The following DSCAML1 variants were observed in gnomAD, a reference collection of about 807,000 sequenced individuals.
DSCAML1 encodes the protein DS cell adhesion molecule like 1, also known as cell adhesion molecule DSCAML1.
Under a neutral mutation model 200.5 loss-of-function variants are expected in DSCAML1, and 38 were observed. That is an observed-to-expected ratio of 0.19 (90% CI 0.15 to 0.25). The LOEUF (loss-of-function observed/expected upper bound fraction) is 0.25. Ranked by LOEUF, DSCAML1 falls within the 10% of genes least tolerant of loss-of-function variation. The pLI is 1.00. For missense variants in DSCAML1, 2,223 were observed against 2,858.8 expected, an observed-to-expected ratio of 0.78 and a Z score of 5.07; for synonymous variants, 1,215 against 1,165.0, an observed-to-expected ratio of 1.04 and a Z score of -0.87.
chr11:117,636,327 T>G (rs541979914), intron 3 of DSCAML1, among the ~76,000 whole-genome samples: 2 of 152,344 alleles, frequency 1.3e-5, no homozygotes, highest in South Asian at 2.1e-4. Context: ...TTATCATATT[T>G]TAATTAAAAG....
At chr11:117,551,588 G>A (rs1018361388) in intron 3 of DSCAML1, among the ~76,000 whole-genome samples, 4 of 152,208 alleles carry the variant, frequency 2.6e-5, no homozygotes, top group African/African-American at 9.7e-5. Flanking sequence ...TTGGGGGCAT[G>A]CATTTGTCAT....
chr11:117,521,101 G>A (rs759169939), intron 6 of DSCAML1, 29 bp downstream of exon 6: 11 of 1,603,944 alleles, frequency 6.9e-6, no homozygotes, highest in East Asian at 2.2e-5. Flanking sequence ...CCCTGAACCC[G>A]CCCCCTGTGT....
chr11:117,493,498 T>G (rs1046621344), intron 11 of DSCAML1, among the ~76,000 whole-genome samples: 2 of 150,452 alleles, frequency 1.3e-5, no homozygotes, highest in Non-Finnish European at 3.0e-5. Flanking sequence ...TTGTATTTAG[T>G]AGAGATGGGG....
intron 3 of DSCAML1, among the ~76,000 whole-genome samples, chr11:117,687,426 ATTTTTTT>A (rs71037492): frequency 2.5e-4 from 24 of 97,650 alleles, no homozygotes; most frequent in African/African-American, 8.6e-4. Context: ...ATGCCTGGCT[ATTTTTTT>A]TTTTTTTTTT....
chr11:117,654,311 C>T (rs1408775415), intron 3 of DSCAML1, among the ~76,000 whole-genome samples: 1 of 152,164 alleles, frequency 6.6e-6, no homozygotes, highest in Non-Finnish European at 1.5e-5. Flanking sequence ...CTAAAGATCA[C>T]CGAACTGTGC....
At chr11:117,497,368 A>G (rs2049308488) in intron 11 of DSCAML1, among the ~76,000 whole-genome samples, 2 of 152,190 alleles carry the variant, frequency 1.3e-5, no homozygotes, top group Admixed American at 6.5e-5. Context: ...CAGCTGGCTC[A>G]GGGCTGCAGA....
chr11:117,437,793 C>T lies in DSCAML1; in HGVS notation c.4432+102G>A. ...TCAGTCTCCCTGCATCCCTGGACCC[C>T]TCCTTCCCCACCCCAGCCACCTTAC... On this transcript the variant is annotated intron_variant, in intron 25 of 32. Coordinates refer to ENST00000651296, the MANE Select transcript of DSCAML1 (RefSeq NM_020693.4). The surrounding 1 kb of genome is among the most constrained non-coding windows in gnomAD (Gnocchi z 5.3). 7.6e-7 allele frequency: 1 copy of T among 1,318,060 alleles called. No individual in the cohort carries two copies. The highest frequency in any genetic ancestry group is 1.0e-6 in the Non-Finnish European group (1 of 988,544). The allele number at this position is 1,318,060 out of a possible 1,614,324, so 81.6% of individuals were successfully genotyped here.
rs1490784945 is a variant in DSCAML1 at position 117,568,307 on chromosome 11, C to T, written c.512-35785G>A. 1.5e-4 allele frequency among the ~76,000 whole-genome samples: 23 copies of T among 152,106 alleles called. No homozygotes were observed. In the South Asian group the frequency reaches 3.5e-3, roughly 23 times the overall value. ...AAACTGGAAGCATTCCCTTTGAAAA[C>T]GGGCACAAGACAGGGATGCCCTCTC... On this transcript the variant is annotated intron_variant, in intron 3 of 32. Transcript: ENST00000651296.
intron 1 of DSCAML1, among the ~76,000 whole-genome samples, chr11:117,787,972 G>A (rs2055391478): frequency 6.6e-6 from 1 of 152,136 alleles, no homozygotes; most frequent in Non-Finnish European, 1.5e-5. Context: ...CAACCAGTAG[G>A]GTGATCCTCC....
intron 14 of DSCAML1, among the ~76,000 whole-genome samples, chr11:117,472,769 T>C (rs933660158): frequency 6.6e-6 from 1 of 152,200 alleles, no homozygotes; most frequent in Non-Finnish European, 1.5e-5. Context: ...CATTCAGGTG[T>C]GACTGAACAT....
rs776909063 is a variant in DSCAML1 at position 117,689,083 on chromosome 11, G to A, written c.511+87708C>T. Among the ~76,000 whole-genome samples the A allele has an allele frequency of 3.0e-4, 45 of 152,166 alleles. 1 individual carries two copies. Among genetic ancestry groups the A allele is most frequent in the Middle Eastern group, 6.8e-3 (2 of 294 alleles). The stretch of plus-strand genomic sequence containing the variant: ...CATCTTCCCAGGGGCTTCTGTTTCC[G>A]GCAGGTAACCTCACAACAGCTGCAG... On this transcript the variant is annotated intron_variant, in intron 3 of 32. Coordinates refer to ENST00000651296, the MANE Select transcript of DSCAML1 (RefSeq NM_020693.4).
At chr11:117,707,194 A>G (rs12577066) in intron 3 of DSCAML1, among the ~76,000 whole-genome samples, 4,034 of 152,258 alleles carry the variant, frequency 0.026, 84 homozygotes, top group African/African-American at 0.056. Flanking sequence ...GCCAGTGGAC[A>G]CCTGTAGGGG....
intron 20 of DSCAML1, among the ~76,000 whole-genome samples, chr11:117,448,328 T>C (rs537949369): frequency 3.9e-5 from 6 of 152,326 alleles, no homozygotes; most frequent in African/African-American, 1.4e-4. Flanking sequence ...ATAGAATTGC[T>C]AGGCTGCTAC....
chr11:117,634,175 T>C (rs1591345111), intron 3 of DSCAML1, among the ~76,000 whole-genome samples: 1 of 152,142 alleles, frequency 6.6e-6, no homozygotes, highest in African/African-American at 2.4e-5. Flanking sequence ...AGAGGGATGA[T>C]TCAGTTCCCT....
chr11:117,489,826 G>GTCCTTGCC lies in DSCAML1; in HGVS notation c.2360-7672_2360-7665dup, dbSNP rs1379300250. On this transcript the variant is annotated intron_variant, in intron 11 of 32. Coordinates refer to ENST00000651296, the MANE Select transcript of DSCAML1 (RefSeq NM_020693.4). This position sits in a 1 kb window ranked among gnomAD's most constrained non-coding sequence, Gnocchi z 4.8. ...TGCATGGCACGTGTCCTCCGGCAGC[G>GTCCTTGCC]TCCTTGCCTCCTTGTGTGTGACTGT... 1.4e-4 allele frequency among the ~76,000 whole-genome samples: 21 copies of GTCCTTGCC among 152,224 alleles called. No homozygotes were observed. The highest frequency in any genetic ancestry group is 8.8e-5 in the Non-Finnish European group (6 of 68,034).
At position 117,548,960 on chromosome 11, in the gene DSCAML1, G is replaced by A. The variant is rs571060277; in HGVS notation, c.512-16438C>T. ...AATGGGGTGCTTATACACAGACAAG[G>A]AGAAAACGGGTCTTACTGGTTCTCA... On this transcript the variant is annotated intron_variant, in intron 3 of 32. Transcript: ENST00000651296. Among the ~76,000 whole-genome samples, 258 of 152,254 alleles carry A rather than the reference G, an allele frequency of 1.7e-3. 1 individual carries two copies. Among genetic ancestry groups the A allele is most frequent in the African/African-American group, 5.7e-3 (238 of 41,548 alleles).
rs1435868600 is a variant in DSCAML1 at position 117,704,988 on chromosome 11, T to C, written c.511+71803A>G. ...AAGTGGAGTGCTGTCAAGGTACGAG[T>C]GTGCGCCCCGGATGTGTGTGTGGTG... On this transcript the variant is annotated intron_variant, in intron 3 of 32. Transcript: ENST00000651296. Among the ~76,000 whole-genome samples, 4 of 151,978 alleles carry C rather than the reference T, an allele frequency of 2.6e-5. No individual in the cohort carries two copies. In the East Asian group the frequency reaches 7.7e-4, roughly 29 times the overall value.
chr11:117,428,265 C>CCGAGCTGG lies in DSCAML1; in HGVS notation c.*55_*62dup. The CCGAGCTGG allele has an allele frequency of 1.1e-6, 1 of 945,968 alleles. No individual in the cohort carries two copies. Among genetic ancestry groups the CCGAGCTGG allele is most frequent in the Non-Finnish European group, 1.7e-6 (1 of 602,898 alleles). The allele number at this position is 945,968 out of a possible 1,614,324, so 58.6% of individuals were successfully genotyped here. On this transcript the variant is annotated 3_prime_UTR_variant, in exon 33 of 33. Transcript: ENST00000651296. Reference sequence around the variant, plus strand: ...GAATATAAATAATGCAGAAAAACAGCCGAGCTGGCGTGTGGGGCTGCGGCG... The same window carrying CCGAGCTGG: ...GAATATAAATAATGCAGAAAAACAGCCGAGCTGGCGAGCTGGCGTGTGGGGCTGCGGCG...
intron 3 of DSCAML1, among the ~76,000 whole-genome samples, chr11:117,639,611 G>T (rs1190585512): frequency 6.6e-6 from 1 of 152,180 alleles, no homozygotes; most frequent in African/African-American, 2.4e-5. Flanking sequence ...ATCCTGAAGA[G>T]GTCCCCCATC....
Sources: allele counts gnomAD v4.1 joint callset (sites outside exome capture counted in the v4.1 genomes callset), GRCh38; gene constraint gnomAD v4.1.1; non-coding constraint Gnocchi (gnomAD v3.1); transcripts MANE v1.5; gene names NCBI Gene and HGNC (gene_info 2026-07-23, HGNC 2026-07-21).